The following BARD1 variants were observed in gnomAD, a reference collection of about 807,000 sequenced individuals.
BARD1 encodes the protein BRCA1 associated RING domain 1.
BARD1 carries 73 observed loss-of-function variants against 77.0 expected under a neutral mutation model. The observed-to-expected ratio is 0.95, with a 90% CI of 0.79 to 1.15. The LOEUF (loss-of-function observed/expected upper bound fraction) is 1.15. BARD1 is among the 50% of genes most tolerant of loss of function. BARD1 has a pLI of 0.00. For synonymous variants in BARD1, 384 were observed against 338.0 expected, an observed-to-expected ratio of 1.14 and a Z score of -1.49; for missense variants, 993 against 938.8, an observed-to-expected ratio of 1.06 and a Z score of -0.75.
intron 5 of BARD1, among the ~76,000 whole-genome samples, chr2:214,768,116 T>C (rs1485864899): frequency 1.3e-5 from 2 of 152,234 alleles, no homozygotes; most frequent in Non-Finnish European, 2.9e-5. Context: ...AATTGCTGTA[T>C]GGCTGCTGTT....
chr2:214,739,281 A>G (rs75065178), intron 9 of BARD1, among the ~76,000 whole-genome samples: 1,884 of 152,270 alleles, frequency 0.012, 38 homozygotes, highest in African/African-American at 0.043. Context: ...AAACATCACT[A>G]TTCTATATGA....
chr2:214,793,159 G>A (rs892963059), intron 2 of BARD1, among the ~76,000 whole-genome samples: 2 of 152,142 alleles, frequency 1.3e-5, no homozygotes, highest in Non-Finnish European at 2.9e-5. Flanking sequence ...AGTAAGTAAT[G>A]TAACAGTTGA....
chr2:214,728,827 G>A lies in BARD1; in HGVS notation c.2183C>T (p.Ser728Phe), dbSNP rs13389423. Residue 728 changes from serine (S) to phenylalanine (F), a missense_variant, in exon 11 of 11, where the codon TCT becomes TTT. Coordinates refer to ENST00000260947, the MANE Select transcript of BARD1 (RefSeq NM_000465.4). Reference protein sequence around the residue: ...NTVAYHARPDSDQRFCTQYII... With the variant: ...NTVAYHARPDFDQRFCTQYII... Reference sequence around the variant, plus strand: ...ATACTGTGTGCAGAAGCGCTGATCAGAATCGGGTCTCGCATGGTATGCGAC... The same window carrying A: ...ATACTGTGTGCAGAAGCGCTGATCAAAATCGGGTCTCGCATGGTATGCGAC... The A allele has an allele frequency of 1.9e-5, 31 of 1,614,236 alleles. No homozygotes were observed. In the South Asian group the frequency reaches 3.3e-4, roughly 17 times the overall value.
rs375515606 is a variant in BARD1, at chr2:214,752,539, G to A, written c.1585C>T (p.Arg529Trp). The A allele has an allele frequency of 1.8e-5, 29 of 1,612,988 alleles. No individual in the cohort carries two copies. The highest frequency in any genetic ancestry group is 1.2e-4 in the African/African-American group (9 of 74,850). ...SRNAVNIFGLRPVDYTDDESM... is the reference protein window; with the variant it reads ...SRNAVNIFGLWPVDYTDDESM... Reference sequence around the variant, plus strand: ...TCATCATCTGTATAATCGACAGGCCGCAGACCAAATATATTACTGGTAAAA... The same window carrying A: ...TCATCATCTGTATAATCGACAGGCCACAGACCAAATATATTACTGGTAAAA... Residue 529 changes from arginine to tryptophan, a missense_variant, in exon 7 of 11, where the codon CGG (arginine) becomes TGG (tryptophan). Physicochemically the swap from Arg to Trp is moderately radical, Grantham distance 101. Transcript: ENST00000260947.
At chr2:214,773,190 T>TA (rs1694588656) in intron 4 of BARD1, among the ~76,000 whole-genome samples, 1 of 152,116 alleles carries the variant, frequency 6.6e-6, no homozygotes, top group Non-Finnish European at 1.5e-5. Context: ...AACACACACA[T>TA]AAAAACAAAA....
rs1387837151 is a variant in BARD1, at chr2:214,726,029, G to C, written c.*2647C>G. On this transcript the variant is annotated 3_prime_UTR_variant, in exon 11 of 11. Coordinates refer to ENST00000260947, the MANE Select transcript of BARD1 (RefSeq NM_000465.4). ...GGTCACTTAACTATTAAATTTACAA[G>C]GCAGGTGCAAAAAAAAAAAAAGGTG... 1 of 211,946 alleles carries C rather than the reference G, an allele frequency of 4.7e-6. No homozygotes were observed. Among genetic ancestry groups the C allele is most frequent in the East Asian group, 6.6e-5 (1 of 15,166 alleles). 13.1% of individuals were successfully genotyped at this position (211,946 alleles called of 1,614,324 possible).
Position 214,726,060 on chromosome 2 carries a change from A to G in BARD1, c.*2616T>C. 4.6e-6 allele frequency: 1 copy of G among 216,932 alleles called. No individual in the cohort carries two copies. Among genetic ancestry groups the G allele is most frequent in the Non-Finnish European group, 9.2e-6 (1 of 108,390 alleles). The allele number at this position is 216,932 out of a possible 1,614,324, so 13.4% of individuals were successfully genotyped here. On this transcript the variant is annotated 3_prime_UTR_variant, in exon 11 of 11. Transcript: ENST00000260947. ...TGCAAAAAAAAAAAAAGGTGGGGGG[A>G]CCGATGAAATAAAGGAAAAATTCTA...
intron 1 of BARD1, among the ~76,000 whole-genome samples, chr2:214,803,083 G>A (rs906849852): frequency 3.9e-5 from 6 of 152,074 alleles, no homozygotes; most frequent in African/African-American, 1.4e-4. Flanking sequence ...ATGGATTAAG[G>A]GTTGTGCAAG....
intron 3 of BARD1, among the ~76,000 whole-genome samples, chr2:214,791,921 C>T (rs893189447): frequency 2.0e-5 from 3 of 152,038 alleles, no homozygotes; most frequent in Non-Finnish European, 4.4e-5. Flanking sequence ...ACTACACATG[C>T]GGCTGTAGGC....
chr2:214,781,645 T>G (rs1695044547), intron 3 of BARD1, 136 bp from the exon 4 acceptor site: 1 of 690,064 alleles, frequency 1.4e-6, no homozygotes, highest in African/African-American at 1.8e-5. Flanking sequence ...GCTCCTAGAG[T>G]GTGAACTCTT....
chr2:214,792,702 G>A (rs1022378692), intron 2 of BARD1, among the ~76,000 whole-genome samples: 1 of 152,120 alleles, frequency 6.6e-6, no homozygotes, highest in Non-Finnish European at 1.5e-5. Context: ...AAATAAATCT[G>A]TAGCTTCTAA....
intron 7 of BARD1, among the ~76,000 whole-genome samples, chr2:214,751,361 C>G (rs1489763837): frequency 6.6e-6 from 1 of 150,384 alleles, no homozygotes; most frequent in African/African-American, 2.4e-5. Flanking sequence ...TGGGGTTTCA[C>G]CATGTTGACC....
Position 214,728,029 on chromosome 2 carries a change from G to A in BARD1, c.*647C>T, listed in dbSNP as rs982738713. ...AAATATGTACCATGAGCCTAGTGTT[G>A]ATTTTTACCACACACACAAAAAAAC... On this transcript the variant is annotated 3_prime_UTR_variant, in exon 11 of 11. Coordinates refer to ENST00000260947, the MANE Select transcript of BARD1 (RefSeq NM_000465.4). The A allele has an allele frequency of 4.5e-6, 1 of 223,628 alleles. No individual in the cohort carries two copies. Among genetic ancestry groups the A allele is most frequent in the Non-Finnish European group, 8.9e-6 (1 of 112,172 alleles). 13.9% of individuals were successfully genotyped at this position (223,628 alleles called of 1,614,324 possible).
intron 3 of BARD1, among the ~76,000 whole-genome samples, chr2:214,789,868 T>C (rs1695437074): frequency 6.6e-6 from 1 of 152,106 alleles, no homozygotes; most frequent in Admixed American, 6.6e-5. Context: ...TTAAGTCTGG[T>C]AAGGACTAAA....
At chr2:214,796,819 T>G in intron 2 of BARD1, 1 of 500,732 alleles carries the variant, frequency 2.0e-6, no homozygotes. Context: ...TTTCCTCCAA[T>G]TTGGCAAAGC....
intron 6 of BARD1, among the ~76,000 whole-genome samples, chr2:214,756,203 T>C (rs2106047742): frequency 6.6e-6 from 1 of 152,246 alleles, no homozygotes; most frequent in Middle Eastern, 3.4e-3. Flanking sequence ...GTGATAGTGA[T>C]TGAGTCCTCA....
chr2:214,764,789 C>T (rs1341155974), intron 6 of BARD1, among the ~76,000 whole-genome samples: 1 of 152,118 alleles, frequency 6.6e-6, no homozygotes, highest in Non-Finnish European at 1.5e-5. Flanking sequence ...AGGAGGAGAA[C>T]AGTCAGGAAA....
At chr2:214,785,244 A>T (rs1279511354) in intron 3 of BARD1, among the ~76,000 whole-genome samples, 1 of 152,030 alleles carries the variant, frequency 6.6e-6, no homozygotes, top group Non-Finnish European at 1.5e-5. Context: ...TGAACCTAAG[A>T]GTGTAGAGGA....
chr2:214,794,159 G>C (rs1695653168), intron 2 of BARD1, among the ~76,000 whole-genome samples: 1 of 152,044 alleles, frequency 6.6e-6, no homozygotes, highest in Non-Finnish European at 1.5e-5. Context: ...AAGTGAGATT[G>C]GATGATCACC....
Sources: gnomAD v4.1 joint callset for allele counts (sites outside exome capture counted in the v4.1 genomes callset) on GRCh38, gnomAD v4.1.1 for gene constraint, MANE v1.5 for transcripts, NCBI Gene and HGNC (gene_info 2026-07-23, HGNC 2026-07-21) for gene names.